The following MAPT variants were observed in gnomAD, a reference collection of about 807,000 sequenced individuals.
The protein encoded by MAPT is microtubule associated protein tau.
In MAPT, 34 loss-of-function variants were observed where a neutral mutation model predicts 67.9. The observed-to-expected ratio is 0.50, with a 90% CI of 0.38 to 0.67. The LOEUF is 0.67. MAPT is among the 30% of genes least tolerant of loss of function. The pLI is 0.00. For synonymous variants in MAPT, 456 were observed against 464.5 expected, an observed-to-expected ratio of 0.98 and a Z score of 0.23; for missense variants, 881 against 1,115.2, an observed-to-expected ratio of 0.79 and a Z score of 2.99.
intron 1 of MAPT, among the ~76,000 whole-genome samples, chr17:45,933,613 C>T (rs1212166184): frequency 6.6e-6 from 1 of 151,642 alleles, no homozygotes; most frequent in African/African-American, 2.4e-5. Context: ...TTCACCTGGC[C>T]CCCCGCATTG....
In MAPT at chr17:45,896,340, G is replaced by T. The variant is rs1203482227; in HGVS notation, c.-18+1654G>T. ...GGGCCACGCCACACCAGGTTGCCCA[G>T]CGAGGGACGCTGGCTACCCATCCGG... is the stretch of plus-strand genomic sequence containing the variant. On this transcript the variant is annotated intron_variant, in intron 1 of 12. Transcript: ENST00000262410. This position sits in a 1 kb window ranked among gnomAD's most constrained non-coding sequence, Gnocchi z 5.6. The T allele has an allele frequency of 1.3e-5, 2 of 152,238 alleles. No homozygotes were observed. Among genetic ancestry groups the T allele is most frequent in the East Asian group, 3.9e-4 (2 of 5,188 alleles). 9.4% of individuals were successfully genotyped at this position (152,238 alleles called of 1,614,324 possible).
intron 1 of MAPT, among the ~76,000 whole-genome samples, chr17:45,944,636 G>A (rs1568212539): frequency 6.6e-6 from 1 of 152,214 alleles, no homozygotes; most frequent in Non-Finnish European, 1.5e-5. Context: ...CTGCCATGAG[G>A]CCAAGGCAGT....
intron 3 of MAPT, chr17:45,977,979 A>C (rs2072546537): frequency 4.6e-6 from 1 of 218,404 alleles, no homozygotes; most frequent in South Asian, 7.7e-5. Context: ...CAACCCAGGC[A>C]AAGTCTTTCC....
At chr17:45,904,267 T>G (rs2064073910) in intron 1 of MAPT, among the ~76,000 whole-genome samples, 1 of 48,192 alleles carries the variant, frequency 2.1e-5, no homozygotes. Context: ...ATATATTATA[T>G]ATATTTTTAT....
chr17:45,909,573 A>G (rs1289246966), intron 1 of MAPT, among the ~76,000 whole-genome samples: 2 of 152,082 alleles, frequency 1.3e-5, no homozygotes, highest in Non-Finnish European at 2.9e-5. Flanking sequence ...TGTCTCTACT[A>G]AAAATACAAA....
At chr17:45,981,965 G>A (rs1229962561) in intron 4 of MAPT, among the ~76,000 whole-genome samples, 1 of 148,912 alleles carries the variant, frequency 6.7e-6, no homozygotes, top group African/African-American at 2.5e-5. Flanking sequence ...GTTGCAATGA[G>A]CTGTGATTGC....
At chr17:46,014,424 G>C in intron 11 of MAPT, 100 bp downstream of exon 11, 1 of 836,072 alleles carries the variant, frequency 1.2e-6, no homozygotes, top group South Asian at 1.4e-5. Flanking sequence ...GGGCTGGAAA[G>C]GATATTTTAG....
In MAPT at chr17:46,024,114, C is replaced by T; in HGVS notation, c.2445C>T (p.Pro815=). Residue 815 remains proline (P), a synonymous_variant, in exon 13 of 13, where the codon CCC becomes CCT. Coordinates refer to ENST00000262410, the MANE Select transcript of MAPT (RefSeq NM_001377265.1). ...GCAGCATCGACATGGTAGACTCGCC[C>T]CAGCTCGCCACGCTAGCTGACGAGG... ...STGSIDMVDS[P]QLATLADEVS... is the part of the protein sequence containing the mutation. 2 of 1,614,184 alleles carry T rather than the reference C, an allele frequency of 1.2e-6. No homozygotes were observed. Among genetic ancestry groups the T allele is most frequent in the South Asian group, 1.1e-5 (1 of 91,090 alleles).
At chr17:46,016,727 C>G (rs548763458) in intron 11 of MAPT, among the ~76,000 whole-genome samples, 26 of 152,122 alleles carry the variant, frequency 1.7e-4, no homozygotes, top group Admixed American at 1.4e-3. Flanking sequence ...GCCAAGATCG[C>G]GCCACTGCAT....
At chr17:45,900,936 C>T (rs975957778) in intron 1 of MAPT, among the ~76,000 whole-genome samples, 14 of 152,160 alleles carry the variant, frequency 9.2e-5, no homozygotes, top group South Asian at 2.1e-4. Context: ...ATGGCATCAT[C>T]GGCGGTGTCC....
intron 1 of MAPT, among the ~76,000 whole-genome samples, chr17:45,961,489 A>G (rs1275875816): frequency 1.3e-5 from 2 of 152,214 alleles, no homozygotes; most frequent in Admixed American, 1.3e-4. Context: ...GGAAGCCAGC[A>G]AACTCGGAGC....
At chr17:45,941,613 TCCCC>T (rs1270578590) in intron 1 of MAPT, among the ~76,000 whole-genome samples, 23 of 105,376 alleles carry the variant, frequency 2.2e-4, no homozygotes, top group African/African-American at 7.2e-4. Context: ...CTTCCCTCCC[TCCCC>T]CCTTCCCTCC....
intron 6 of MAPT, among the ~76,000 whole-genome samples, chr17:45,987,897 T>C (rs713522): frequency 0.44 from 66,799 of 152,080 alleles, 14,798 homozygotes; most frequent in East Asian, 0.62. Flanking sequence ...CATTTAGTGC[T>C]GGGGGCAGGG....
intron 1 of MAPT, among the ~76,000 whole-genome samples, chr17:45,912,731 A>G (rs1322204632): frequency 6.6e-6 from 1 of 152,238 alleles, no homozygotes; most frequent in African/African-American, 2.4e-5. Flanking sequence ...GTCCCATGCA[A>G]TGTTTGTGAC....
intron 2 of MAPT, among the ~76,000 whole-genome samples, chr17:45,968,570 G>C (rs1196726085): frequency 6.6e-6 from 1 of 152,196 alleles, no homozygotes; most frequent in Non-Finnish European, 1.5e-5. Context: ...AAGTCCCCAT[G>C]TGCTTGACGG....
intron 5 of MAPT, among the ~76,000 whole-genome samples, chr17:45,984,377 GC>G (rs2073329601): frequency 6.6e-6 from 1 of 152,266 alleles, no homozygotes; most frequent in African/African-American, 2.4e-5. Flanking sequence ...ACAGTAACTT[GC>G]CGAAGGCCAA....
chr17:45,955,731 T>TCTTTTTTTTTC (rs2069570738), intron 1 of MAPT, among the ~76,000 whole-genome samples: 1 of 146,888 alleles, frequency 6.8e-6, no homozygotes, highest in African/African-American at 2.5e-5. Context: ...ACTCCTTCCT[T>TCTTTTTTTTTC]TTTTTTTTTT....
chr17:45,910,515 T>C (rs1387371746), intron 1 of MAPT, among the ~76,000 whole-genome samples: 1 of 152,112 alleles, frequency 6.6e-6, no homozygotes, highest in East Asian at 1.9e-4. Flanking sequence ...TCCTACCCTT[T>C]ATTAAACTGC....
At chr17:45,993,976 A>G (rs1349955913) in intron 8 of MAPT, 2 of 1,570,866 alleles carry the variant, frequency 1.3e-6, no homozygotes, top group Non-Finnish European at 1.7e-6. Context: ...GATCTGAGAG[A>G]GGTACTCGGG....
Sources: gnomAD v4.1 joint callset for allele counts (sites outside exome capture counted in the v4.1 genomes callset) on GRCh38, gnomAD v4.1.1 for gene constraint, Gnocchi (gnomAD v3.1) non-coding constraint, MANE v1.5 for transcripts, NCBI Gene and HGNC (gene_info 2026-07-23, HGNC 2026-07-21) for gene names.